SPATA13: variants seen among roughly 807,000 people sequenced by gnomAD.
SPATA13 encodes the protein spermatogenesis-associated protein 13.
A neutral mutation model predicts 104.0 loss-of-function variants in SPATA13; 50 were observed. That is an observed-to-expected ratio of 0.48 (90% CI 0.38 to 0.61). The LOEUF (loss-of-function observed/expected upper bound fraction) is 0.61, where lower values mean the gene tolerates loss of function less well. SPATA13 is among the 20% of genes least tolerant of loss of function. The pLI is 0.00. For missense variants in SPATA13, 1,524 were observed against 1,690.6 expected (o/e 0.90, Z 1.73); for synonymous variants, 606 against 667.5 (o/e 0.91, Z 1.42).
chr13:24,120,006 C>G (rs1435891986), intron 3 of SPATA13, among the ~76,000 whole-genome samples: 1 of 152,180 alleles, frequency 6.6e-6, no homozygotes, highest in Non-Finnish European at 1.5e-5. Context: ...AGCCCCACCC[C>G]CACAGAGTGA....
At position 24,269,161 on chromosome 13, in the gene SPATA13, G is replaced by T. The variant is rs369612264; in HGVS notation, c.2165-14974G>T. ...TCTCTAAACACTGCAATATGTTCTC[G>T]AGTAATTCTGTGAGGATTATTGATT... is the stretch of plus-strand genomic sequence containing the variant. On this transcript the variant is annotated intron_variant, in intron 4 of 12. Transcript: ENST00000382108. 1.4e-4 allele frequency among the ~76,000 whole-genome samples: 21 copies of T among 152,084 alleles called. 1 individual carries two copies. The East Asian group carries it at 3.5e-3, about 25-fold the overall frequency.
intron 4 of SPATA13, among the ~76,000 whole-genome samples, chr13:24,275,246 G>A (rs948217902): frequency 6.6e-6 from 1 of 152,210 alleles, no homozygotes; most frequent in Non-Finnish European, 1.5e-5. Context: ...GGAGGAAAAT[G>A]AGACATTTGT....
chr13:24,072,400 G>T (rs767815040), intron 3 of SPATA13, among the ~76,000 whole-genome samples: 1 of 152,194 alleles, frequency 6.6e-6, no homozygotes. Context: ...GAATATAGAT[G>T]ATTAATGTTC....
At chr13:24,147,089 G>A (rs1307673686) in intron 3 of SPATA13, among the ~76,000 whole-genome samples, 1 of 152,090 alleles carries the variant, frequency 6.6e-6, no homozygotes, top group Non-Finnish European at 1.5e-5. Context: ...TGCATTGGAT[G>A]GAAGATGATA....
intron 3 of SPATA13, among the ~76,000 whole-genome samples, chr13:24,063,928 T>C (rs1878863251): frequency 1.3e-5 from 2 of 152,128 alleles, no homozygotes; most frequent in Admixed American, 1.3e-4. Context: ...GAGGTCTTCG[T>C]TCCCTGCCTG....
intron 3 of SPATA13, among the ~76,000 whole-genome samples, chr13:24,054,734 CT>C (rs1189213499): frequency 1.3e-5 from 2 of 152,100 alleles, no homozygotes; most frequent in Non-Finnish European, 2.9e-5. Flanking sequence ...TTAATACTAC[CT>C]CACAGGAGAA....
At chr13:24,103,543 A>AAG (rs1490841965) in intron 3 of SPATA13, among the ~76,000 whole-genome samples, 13 of 140,754 alleles carry the variant, frequency 9.2e-5, no homozygotes, top group Non-Finnish European at 1.2e-4. Context: ...AGAGAGAGAG[A>AAG]AGAGAGAGAG....
At chr13:24,069,093 T>G (rs954858046) in intron 3 of SPATA13, among the ~76,000 whole-genome samples, 4 of 152,238 alleles carry the variant, frequency 2.6e-5, no homozygotes, top group African/African-American at 9.6e-5. Context: ...TAGGATTGCC[T>G]TGGCTGTTTG....
intron 3 of SPATA13, among the ~76,000 whole-genome samples, chr13:24,113,654 G>A (rs1047508200): frequency 4.0e-5 from 6 of 151,792 alleles, no homozygotes; most frequent in East Asian, 1.9e-4. Context: ...GGCAGATCAC[G>A]AGGTCAGGAG....
At chr13:23,995,679 CAAAATCTCCTGAA>C (rs894871675) in intron 2 of SPATA13, among the ~76,000 whole-genome samples, 2 of 152,232 alleles carry the variant, frequency 1.3e-5, no homozygotes, top group African/African-American at 4.8e-5. Flanking sequence ...TTCTTCTTAC[CAAAATCTCCTGAA>C]AAAATTAGGC....
chr13:24,239,768 C>T (rs975275028), intron 2 of SPATA13, among the ~76,000 whole-genome samples: 22 of 145,014 alleles, frequency 1.5e-4, no homozygotes, highest in Non-Finnish European at 2.7e-4. Context: ...ATGGTTATCA[C>T]TTTTGAAATA....
intron 3 of SPATA13, among the ~76,000 whole-genome samples, chr13:24,128,775 C>T (rs1383050617): frequency 2.0e-5 from 3 of 151,618 alleles, no homozygotes; most frequent in South Asian, 2.1e-4. Flanking sequence ...TTAAAAAATA[C>T]GTACCTAAGG....
chr13:24,165,017 A>G (rs1361236345), intron 1 of SPATA13, among the ~76,000 whole-genome samples: 1 of 152,066 alleles, frequency 6.6e-6, no homozygotes, highest in African/African-American at 2.4e-5. Context: ...TTTCCTGTAT[A>G]TGTATGTGGT....
upstream of SPATA13, among the ~76,000 whole-genome samples, chr13:24,159,803 T>C (rs1882391905): frequency 6.6e-6 from 1 of 152,236 alleles, no homozygotes. Flanking sequence ...TGTTCTTTGA[T>C]TATAAAAGAC....
At chr13:24,087,505 G>T (rs749651060) in intron 3 of SPATA13, among the ~76,000 whole-genome samples, 2 of 152,186 alleles carry the variant, frequency 1.3e-5, no homozygotes, top group African/African-American at 4.8e-5. Flanking sequence ...TTACTGCAAC[G>T]TTAATAGAAC....
chr13:24,107,370 C>T (rs1297897115), intron 3 of SPATA13, among the ~76,000 whole-genome samples: 3 of 151,656 alleles, frequency 2.0e-5, no homozygotes, highest in Admixed American at 2.0e-4. Context: ...GAGCACTCCT[C>T]ATCACAGTCT....
At chr13:24,082,627 T>C (rs1178286256) in intron 3 of SPATA13, among the ~76,000 whole-genome samples, 3 of 151,120 alleles carry the variant, frequency 2.0e-5, no homozygotes, top group Non-Finnish European at 3.0e-5. Context: ...GAGACCATCC[T>C]GGCTAACAAG....
chr13:24,282,744 G>GTGGA (rs1875639292), intron 4 of SPATA13, among the ~76,000 whole-genome samples: 1 of 152,208 alleles, frequency 6.6e-6, no homozygotes. Flanking sequence ...AGCACTCTCT[G>GTGGA]TGGAGTTCCA....
intron 3 of SPATA13, among the ~76,000 whole-genome samples, chr13:24,079,482 T>C (rs1320355157): frequency 1.1e-4 from 17 of 152,322 alleles, no homozygotes; most frequent in Middle Eastern, 3.4e-3. Context: ...AGACTCTGGC[T>C]GAACTTTCCC....
Sources: allele counts gnomAD v4.1 joint callset (sites outside exome capture counted in the v4.1 genomes callset), GRCh38; gene constraint gnomAD v4.1.1; transcripts MANE v1.5; gene names NCBI Gene and HGNC (gene_info 2026-07-23, HGNC 2026-07-21).